The following TRPM5 variants were observed in gnomAD, a reference collection of about 807,000 sequenced individuals.
TRPM5 encodes the protein MLSN1 and TRP-related.
TRPM5 carries 121 observed loss-of-function variants against 124.9 expected under a neutral mutation model. That is an observed-to-expected ratio of 0.97 (90% CI 0.84 to 1.13). The LOEUF (loss-of-function observed/expected upper bound fraction) is 1.13. Among genes scored for constraint, TRPM5 ranks in the 50% most tolerant of loss-of-function variants. TRPM5 has a pLI of 0.00. For missense variants in TRPM5, 1,643 were observed against 1,589.1 expected (o/e 1.03, Z -0.58); for synonymous variants, 781 against 700.5 (o/e 1.11, Z -1.81).
chr11:2,421,830 G>T (rs1256864429), intron 2 of TRPM5, among the ~76,000 whole-genome samples: 1 of 152,176 alleles, frequency 6.6e-6, no homozygotes, highest in Non-Finnish European at 1.5e-5. Context: ...GCTAGTGGAG[G>T]GGGCAGCTCT....
At chr11:2,406,782 G>C (rs142877041) in exon 21 of TRPM5, 4 of 1,611,456 alleles carry the variant, frequency 2.5e-6, no homozygotes, top group Non-Finnish European at 3.4e-6. Context: ...AGGGGGTCTG[G>C]CAGGTCTCTC....
chr11:2,441,038 T>A, the TRPM5 span, among the ~76,000 whole-genome samples: 1 of 152,130 alleles, frequency 6.6e-6, no homozygotes, highest in Non-Finnish European at 1.5e-5. The surrounding 1 kb of genome is among the most constrained non-coding windows in gnomAD (Gnocchi z 7.2). Context: ...GGAAGGTTGG[T>A]GTGAGGTAGA....
chr11:2,418,299 G>GC lies in TRPM5; in HGVS notation c.773dup (p.Ile259HisfsTer25). ...CTAGGGCAGCAAGCACATCGGCGAT[G>GC]CCCCCCGAGCCTACCAGGATCAGCC... On this transcript the variant is annotated frameshift_variant, in exon 6 of 24. Transcript: ENST00000155858. LOFTEE classifies it high-confidence loss of function. 1.3e-6 allele frequency: 2 copies of GC among 1,571,110 alleles called. No individual in the cohort carries two copies. Among genetic ancestry groups the GC allele is most frequent in the Non-Finnish European group, 1.7e-6 (2 of 1,159,532 alleles).
chr11:2,439,674 C>T, the TRPM5 span, among the ~76,000 whole-genome samples: 3 of 152,140 alleles, frequency 2.0e-5, no homozygotes, highest in Admixed American at 6.5e-5. Context: ...TATCAAAAAA[C>T]AATACATGCT....
chr11:2,419,080 C>T (rs986424291), intron 4 of TRPM5, among the ~76,000 whole-genome samples: 5 of 152,288 alleles, frequency 3.3e-5, no homozygotes, highest in African/African-American at 1.2e-4. Context: ...AGGCCTGGAC[C>T]TGCCCCTGTC....
In TRPM5 at chr11:2,413,594, G is replaced by A; in HGVS notation, c.1891-6C>T. On this transcript the variant is annotated splice_polypyrimidine_tract_variant and splice_region_variant and intron_variant, in intron 12 of 23. Coordinates refer to ENST00000155858, the Ensembl canonical transcript of TRPM5. ...CAGATCCTGGTCAGGAAGGCCTGAGGTGAAGGCAAAACTGTCGGCTCCAAC... is the reference window on the plus strand; with the variant it reads ...CAGATCCTGGTCAGGAAGGCCTGAGATGAAGGCAAAACTGTCGGCTCCAAC... 2 of 1,611,342 alleles carry A rather than the reference G, an allele frequency of 1.2e-6. No individual in the cohort carries two copies. The highest frequency in any genetic ancestry group is 1.7e-6 in the Non-Finnish European group (2 of 1,179,144).
Position 2,418,524 on chromosome 11 carries a change from T to C in TRPM5, c.714+3A>G, listed in dbSNP as rs772898299. 64 of 1,609,898 alleles carry C rather than the reference T, an allele frequency of 4.0e-5. No individual in the cohort carries two copies. Among genetic ancestry groups the C allele is most frequent in the Middle Eastern group, 1.6e-4 (1 of 6,082 alleles). On this transcript the variant is annotated splice_donor_region_variant and intron_variant, in intron 5 of 23. Transcript: ENST00000155858. The stretch of plus-strand genomic sequence containing the variant: ...AGCCAGGGGGCCTCAGCCAGGCCCC[T>C]ACCTCCAAGGTGTTGGGATCACCAT...
the TRPM5 span, among the ~76,000 whole-genome samples, chr11:2,436,218 G>A: frequency 6.6e-6 from 1 of 152,350 alleles, no homozygotes; most frequent in East Asian, 1.9e-4. Context: ...GCCAGCCTTT[G>A]GGTGATCTGC....
intron 3 of TRPM5, 83 bp downstream of exon 8, chr11:2,420,949 A>G (rs1456073013): frequency 7.1e-7 from 1 of 1,403,388 alleles, no homozygotes; most frequent in Non-Finnish European, 9.4e-7. Context: ...CTGTCCTCCC[A>G]GAGCTCTGCC....
chr11:2,442,724 A>G, the TRPM5 span, among the ~76,000 whole-genome samples: 2 of 152,302 alleles, frequency 1.3e-5, no homozygotes, highest in East Asian at 1.9e-4. The surrounding 1 kb of genome is among the most constrained non-coding windows in gnomAD (Gnocchi z 5.9). Flanking sequence ...TGCCTCTCCC[A>G]CAGAGTTGCC....
At chr11:2,435,403 T>G in the TRPM5 span, among the ~76,000 whole-genome samples, 1 of 151,810 alleles carries the variant, frequency 6.6e-6, no homozygotes, top group Admixed American at 6.6e-5. The surrounding 1 kb of genome is among the most constrained non-coding windows in gnomAD (Gnocchi z 4.1). Context: ...CCAGCACATA[T>G]GCACCTCCTC....
exon 15 of TRPM5, chr11:2,412,787 C>G: frequency 6.2e-7 from 1 of 1,607,602 alleles, no homozygotes; most frequent in Non-Finnish European, 8.5e-7. Context: ...GCGTAAAGAC[C>G]CAGAAGTAGA....
upstream of TRPM5, among the ~76,000 whole-genome samples, chr11:2,423,728 T>C (rs963844510): frequency 6.6e-6 from 1 of 152,090 alleles, no homozygotes; most frequent in Non-Finnish European, 1.5e-5. Flanking sequence ...TCAGCCCTAT[T>C]CCCTCAACCC....
At chr11:2,421,343 G>A in intron 2 of TRPM5, 145 bp from the exon 8 acceptor site, 3 of 1,076,852 alleles carry the variant, frequency 2.8e-6, no homozygotes, top group Non-Finnish European at 3.8e-6. Flanking sequence ...GGTGGGGTGG[G>A]GAAGCCGAGG....
chr11:2,427,279 CCTT>C (rs1845847459), upstream of TRPM5, among the ~76,000 whole-genome samples: 2 of 152,364 alleles, frequency 1.3e-5, no homozygotes, highest in South Asian at 2.1e-4. Context: ...CAATCCTGCT[CCTT>C]CTCCCCACCT....
intron 18 of TRPM5, among the ~76,000 whole-genome samples, chr11:2,409,403 G>A (rs1850396997): frequency 6.6e-6 from 1 of 152,114 alleles, no homozygotes; most frequent in Admixed American, 6.5e-5. Context: ...CACCCTCCCC[G>A]ACTCTGTGAT....
intron 18 of TRPM5, among the ~76,000 whole-genome samples, chr11:2,409,437 G>T (rs1348075240): frequency 6.6e-6 from 1 of 152,206 alleles, no homozygotes; most frequent in Non-Finnish European, 1.5e-5. Context: ...ACCAGGCCGG[G>T]CTGGAAATTA....
the TRPM5 span, among the ~76,000 whole-genome samples, chr11:2,443,708 G>C: frequency 6.6e-6 from 1 of 152,152 alleles, no homozygotes; most frequent in Non-Finnish European, 1.5e-5. The surrounding 1 kb of genome is among the most constrained non-coding windows in gnomAD (Gnocchi z 5.0). Flanking sequence ...TGTCACATGA[G>C]TTATGGGTCT....
chr11:2,423,692 C>T (rs536376124), upstream of TRPM5, among the ~76,000 whole-genome samples: 17 of 152,310 alleles, frequency 1.1e-4, no homozygotes, highest in African/African-American at 2.9e-4. Flanking sequence ...CATCAGCAAG[C>T]GGGGGTAGAA....
Sources: allele counts gnomAD v4.1 joint callset (sites outside exome capture counted in the v4.1 genomes callset), GRCh38; gene constraint gnomAD v4.1.1; non-coding constraint Gnocchi (gnomAD v3.1); transcripts MANE v1.5; gene names NCBI Gene and HGNC (gene_info 2026-07-23, HGNC 2026-07-21).